LOC400499: variants seen among roughly 807,000 people sequenced by gnomAD.
the LOC400499 span, among the ~76,000 whole-genome samples, chr16:11,452,209 T>G: frequency 1.8e-4 from 27 of 151,092 alleles, no homozygotes; most frequent in South Asian, 1.5e-3. Flanking sequence ...TTGTTTGTTT[T>G]TTTTTTTTTT....
At chr16:11,427,755 A>G in the LOC400499 span, among the ~76,000 whole-genome samples, 2 of 152,170 alleles carry the variant, frequency 1.3e-5, no homozygotes, top group African/African-American at 4.8e-5. Flanking sequence ...TGAGATGTGC[A>G]CATTTCTTTT....
chr16:11,393,373 G>T, the LOC400499 span: 1 of 1,232,130 alleles, frequency 8.1e-7, no homozygotes, highest in Non-Finnish European at 1.0e-6. Flanking sequence ...GCTGAGCTGG[G>T]ACCCAGCTGC....
chr16:11,491,663 CT>C, the LOC400499 span: 1 of 380,864 alleles, frequency 2.6e-6, no homozygotes, highest in East Asian at 3.7e-5. Flanking sequence ...AGCCCCACCC[CT>C]GCCCACACCC....
At chr16:11,382,142 T>G in the LOC400499 span, among the ~76,000 whole-genome samples, 2 of 152,108 alleles carry the variant, frequency 1.3e-5, no homozygotes, top group Non-Finnish European at 2.9e-5. Flanking sequence ...TTCGCCATGT[T>G]GGCCAGGCTG....
chr16:11,471,573 G>A, the LOC400499 span: 2,777 of 398,632 alleles, frequency 7.0e-3, 60 homozygotes, highest in African/African-American at 0.052. Flanking sequence ...GGAGCCCCAC[G>A]TCCTTTAGGG....
the LOC400499 span, among the ~76,000 whole-genome samples, chr16:11,418,314 T>A: frequency 6.6e-6 from 1 of 151,908 alleles, no homozygotes; most frequent in Non-Finnish European, 1.5e-5. Flanking sequence ...TCCCAGGAGG[T>A]CAGGCATTCT....
the LOC400499 span, among the ~76,000 whole-genome samples, chr16:11,487,776 C>A: frequency 7.9e-5 from 12 of 152,192 alleles, no homozygotes; most frequent in African/African-American, 2.2e-4. Context: ...ACACTTCTCA[C>A]AATTCACAGC....
the LOC400499 span, among the ~76,000 whole-genome samples, chr16:11,452,380 A>G: frequency 3.9e-5 from 6 of 152,152 alleles, no homozygotes; most frequent in Non-Finnish European, 8.8e-5. Context: ...CAGAACCAGA[A>G]GAGAGTGGCC....
chr16:11,391,687 G>A, the LOC400499 span: 2 of 1,232,216 alleles, frequency 1.6e-6, no homozygotes, highest in East Asian at 3.2e-5. Flanking sequence ...TCCCGCAGCT[G>A]CTCCAGCCCC....
the LOC400499 span, among the ~76,000 whole-genome samples, chr16:11,505,168 T>G: frequency 1.7e-4 from 25 of 150,412 alleles, no homozygotes; most frequent in Admixed American, 1.3e-3. Context: ...AAAAAAGTCC[T>G]GATTTGTAGC....
At chr16:11,446,212 A>C in the LOC400499 span, among the ~76,000 whole-genome samples, 1 of 152,180 alleles carries the variant, frequency 6.6e-6, no homozygotes, top group Non-Finnish European at 1.5e-5. Flanking sequence ...GCAATGGTGC[A>C]ACCATGGCTC....
chr16:11,448,617 C>G, the LOC400499 span, among the ~76,000 whole-genome samples: 5 of 152,140 alleles, frequency 3.3e-5, no homozygotes, highest in African/African-American at 1.2e-4. Flanking sequence ...GTTCTAACTA[C>G]TTAGTAGGCT....
chr16:11,508,427 C>CA, the LOC400499 span, among the ~76,000 whole-genome samples: 3 of 152,228 alleles, frequency 2.0e-5, no homozygotes, highest in Non-Finnish European at 4.4e-5. Context: ...GGAGATTAGA[C>CA]TGTGAGTCAA....
chr16:11,394,661 CCA>C, the LOC400499 span, among the ~76,000 whole-genome samples: 1 of 152,202 alleles, frequency 6.6e-6, no homozygotes, highest in Non-Finnish European at 1.5e-5. Flanking sequence ...TGAAGGTAGG[CCA>C]CACACCCAAT....
At chr16:11,427,868 C>A in the LOC400499 span, among the ~76,000 whole-genome samples, 1 of 152,106 alleles carries the variant, frequency 6.6e-6, no homozygotes, top group East Asian at 1.9e-4. Flanking sequence ...GTATTATAAT[C>A]TATTTGGGTG....
At chr16:11,456,355 T>C in the LOC400499 span, among the ~76,000 whole-genome samples, 113,751 of 151,842 alleles carry the variant, frequency 0.75, 43,113 homozygotes, top group Admixed American at 0.8. Context: ...GCCGGTGGAT[T>C]CATTTTTTAA....
chr16:11,515,879 C>CCCCCCCCCCCCCCCCCCCCCCCCA, the LOC400499 span: 1 of 40,186 alleles, frequency 2.5e-5, no homozygotes, highest in Non-Finnish European at 7.2e-5. Flanking sequence ...CAGCCCAGCC[C>CCCCCCCCCCCCCCCCCCCCCCCCA]AGCCCAGCCC....
chr16:11,412,589 G>C, the LOC400499 span, among the ~76,000 whole-genome samples: 1 of 152,256 alleles, frequency 6.6e-6, no homozygotes, highest in Non-Finnish European at 1.5e-5. Context: ...TTATTAATAA[G>C]TGTTTGGGGC....
chr16:11,420,383 G>C, the LOC400499 span, among the ~76,000 whole-genome samples: 2 of 138,650 alleles, frequency 1.4e-5, no homozygotes, highest in African/African-American at 5.4e-5. Context: ...TCATAGATGG[G>C]AATTGAACAA....
Sources: allele counts gnomAD v4.1 joint callset (sites outside exome capture counted in the v4.1 genomes callset), GRCh38; gene constraint gnomAD v4.1.1; transcripts MANE v1.5.